The following PACS2 variants were observed in gnomAD, a reference collection of about 807,000 sequenced individuals.
PACS2 encodes phosphofurin acidic cluster sorting protein 2, also known as PACS1-like protein.
Under a neutral mutation model 113.0 loss-of-function variants are expected in PACS2, and 36 were observed. The observed-to-expected ratio is 0.32, with a 90% confidence interval of 0.24 to 0.42. PACS2 has a LOEUF of 0.42. Ranked by LOEUF, PACS2 falls within the 10% of genes least tolerant of loss-of-function variation. PACS2 has a pLI of 1.00. For synonymous variants in PACS2, 589 were observed against 536.1 expected, an observed-to-expected ratio of 1.10 and a Z score of -1.36; for missense variants, 1,015 against 1,239.5, an observed-to-expected ratio of 0.82 and a Z score of 2.72.
chr14:105,378,289 G>A (rs760436079), intron 9 of PACS2, among the ~76,000 whole-genome samples: 5 of 152,238 alleles, frequency 3.3e-5, no homozygotes, highest in African/African-American at 7.2e-5. Context: ...GAGGAGAGGC[G>A]TGTGCGTCTC....
In PACS2 at chr14:105,354,481, C is replaced by T. The variant is rs1169318121; in HGVS notation, c.298-571C>T. Among the ~76,000 whole-genome samples, 2 of 152,148 alleles carry T rather than the reference C, an allele frequency of 1.3e-5. No homozygotes were observed. The highest frequency in any genetic ancestry group is 2.9e-5 in the Non-Finnish European group (2 of 68,024). ...ACCGCAGTTAGGGTGGTGAACAGCC[C>T]CATTTTCCCCTAAGTATTTAAACTG... On this transcript the variant is annotated intron_variant, in intron 3 of 24. Coordinates refer to ENST00000447393, the MANE Select transcript of PACS2 (RefSeq NM_001100913.3). This position sits in a 1 kb window ranked among gnomAD's most constrained non-coding sequence, Gnocchi z 4.2.
intron 9 of PACS2, among the ~76,000 whole-genome samples, chr14:105,379,438 A>G (rs1375309440): frequency 6.6e-6 from 1 of 152,192 alleles, no homozygotes; most frequent in Non-Finnish European, 1.5e-5. Flanking sequence ...CCTGGAGCTA[A>G]GGCTGCGAGT....
At position 105,314,951 on chromosome 14, in the gene PACS2, C is replaced by T. The variant is rs587698346; in HGVS notation, c.33C>T (p.Gly11=). The T allele has an allele frequency of 6.5e-4, 767 of 1,178,490 alleles. No homozygotes were observed. The African/African-American group carries it at 0.01, about 16-fold the overall frequency. 73.0% of individuals were successfully genotyped at this position (1,178,490 alleles called of 1,614,324 possible). A position where few individuals can be genotyped will look rare whatever the true frequency, so the allele number is the denominator to read the frequency against. Residue 11 remains glycine (G), a synonymous_variant, in exon 1 of 25, where the codon GGC becomes GGT. Transcript: ENST00000447393. ...AGCGAGGCCGCCTCGGCCTCCCCGGCGCGCCCGGCGCGCTCAACACGCCCG... is the reference window on the plus strand; with the variant it reads ...AGCGAGGCCGCCTCGGCCTCCCCGGTGCGCCCGGCGCGCTCAACACGCCCG... MAERGRLGLP[G]APGALNTPVP...
intron 18 of PACS2, 67 bp from the exon 19 acceptor site, chr14:105,385,618 G>A (rs1327999514): frequency 5.2e-5 from 58 of 1,122,260 alleles, no homozygotes; most frequent in African/African-American, 2.0e-4. Flanking sequence ...TGCCCTCGGC[G>A]GTCCCTGGAG....
intron 8 of PACS2, among the ~76,000 whole-genome samples, chr14:105,374,133 C>T (rs111648477): frequency 0.052 from 7,529 of 145,782 alleles, 247 homozygotes; most frequent in Non-Finnish European, 0.069. Context: ...CCAGCCTGGG[C>T]GACACAGCGA....
chr14:105,359,838 A>G (rs2060610079), intron 4 of PACS2, among the ~76,000 whole-genome samples: 2 of 152,152 alleles, frequency 1.3e-5, no homozygotes, highest in Non-Finnish European at 2.9e-5. Context: ...CGATCCGCCC[A>G]CCTTGGTCTC....
chr14:105,352,574 C>T, intron 3 of PACS2, 107 bp downstream of exon 3: 5 of 634,020 alleles, frequency 7.9e-6, no homozygotes, highest in Non-Finnish European at 1.1e-5. Context: ...ATCACTGTCC[C>T]CTGGGGTGAT....
At chr14:105,352,104 G>A (rs912482069) in intron 2 of PACS2, among the ~76,000 whole-genome samples, 2 of 152,204 alleles carry the variant, frequency 1.3e-5, no homozygotes, top group Non-Finnish European at 2.9e-5. Context: ...TTGTGATCGC[G>A]TTAACTTCAG....
chr14:105,350,066 C>T (rs1409387446), intron 2 of PACS2, among the ~76,000 whole-genome samples: 1 of 151,956 alleles, frequency 6.6e-6, no homozygotes, highest in Admixed American at 6.5e-5. Context: ...TCCAGGAGTG[C>T]GTGGCTGATA....
intron 1 of PACS2, among the ~76,000 whole-genome samples, chr14:105,338,924 C>T (rs782506531): frequency 6.6e-6 from 1 of 152,252 alleles, no homozygotes; most frequent in Non-Finnish European, 1.5e-5. Flanking sequence ...CACCCAGCTG[C>T]TCTCCTCTCT....
intron 19 of PACS2, 160 bp from the exon 20 acceptor site, chr14:105,389,801 G>A: frequency 1.4e-6 from 1 of 690,134 alleles, no homozygotes; most frequent in Admixed American, 2.3e-5. Context: ...GGTTGGAGAT[G>A]GGTGGGGCCG....
upstream of PACS2, among the ~76,000 whole-genome samples, chr14:105,310,757 A>G (rs10148455): frequency 0.13 from 20,497 of 152,132 alleles, 4,676 homozygotes; most frequent in African/African-American, 0.47. Flanking sequence ...CATGTTCATC[A>G]TGGAGAAAAT....
At chr14:105,322,230 C>T (rs587690652) in intron 1 of PACS2, among the ~76,000 whole-genome samples, 22 of 151,488 alleles carry the variant, frequency 1.5e-4, no homozygotes, top group South Asian at 1.2e-3. Context: ...CCTCTGTGCC[C>T]GGCCTTTTTT....
intron 17 of PACS2, 105 bp from the exon 18 acceptor site, chr14:105,384,774 C>T (rs782819579): frequency 3.3e-5 from 25 of 746,958 alleles, no homozygotes; most frequent in African/African-American, 5.2e-5. Context: ...TGCCGCGCTT[C>T]GGGGTACGGG....
chr14:105,312,098 CTG>C (rs1310769193), upstream of PACS2, among the ~76,000 whole-genome samples: 3 of 152,242 alleles, frequency 2.0e-5, no homozygotes, highest in Non-Finnish European at 4.4e-5. Flanking sequence ...TGCTGTGTGT[CTG>C]TGTCATCTTA....
rs587692101 is a variant in PACS2 at position 105,348,860 on chromosome 14, C to T, written c.207+280C>T. ...CCTCGAGTCACCTCACAGTGATGGA[C>T]GGGCCCCAAGCACCTGGAGCCAGGG... On this transcript the variant is annotated intron_variant, in intron 2 of 24. Coordinates refer to ENST00000447393, the MANE Select transcript of PACS2 (RefSeq NM_001100913.3). The surrounding 1 kb of genome is among the most constrained non-coding windows in gnomAD (Gnocchi z 6.4). 29 of 380,254 alleles carry T rather than the reference C, an allele frequency of 7.6e-5. No homozygotes were observed. The highest frequency in any genetic ancestry group is 3.5e-4 in the Admixed American group (8 of 22,900). 23.6% of individuals were successfully genotyped at this position (380,254 alleles called of 1,614,324 possible).
In PACS2 at chr14:105,324,217, G is replaced by A. The variant is rs990000048; in HGVS notation, c.119+9180G>A. Among the ~76,000 whole-genome samples the A allele has an allele frequency of 6.6e-6, 1 of 152,222 alleles. No individual in the cohort carries two copies. On this transcript the variant is annotated intron_variant, in intron 1 of 24. Transcript: ENST00000447393. This position sits in a 1 kb window ranked among gnomAD's most constrained non-coding sequence, Gnocchi z 4.7. ...GCTGCGGTGCTGTGGCGGGGTCGGG[G>A]GGCTGCTGCAGAGAGCGGGTCTGCG...
intron 1 of PACS2, among the ~76,000 whole-genome samples, chr14:105,327,925 A>G (rs1432574059): frequency 1.4e-5 from 2 of 141,900 alleles, no homozygotes; most frequent in South Asian, 4.6e-4. Flanking sequence ...GCCATTGACA[A>G]CTGAGCCTTG....
chr14:105,352,350 A>T (rs1237883590), intron 2 of PACS2, 28 bp from the exon 3 acceptor site: 2 of 1,471,216 alleles, frequency 1.4e-6, no homozygotes, highest in African/African-American at 2.8e-5. Flanking sequence ...CAGTCCTTTG[A>T]GCTAGAACAG....
Sources: allele counts gnomAD v4.1 joint callset (sites outside exome capture counted in the v4.1 genomes callset), GRCh38; gene constraint gnomAD v4.1.1; non-coding constraint Gnocchi (gnomAD v3.1); transcripts MANE v1.5; gene names NCBI Gene and HGNC (gene_info 2026-07-23, HGNC 2026-07-21).